GON4L: variants seen among roughly 807,000 people sequenced by gnomAD.
The protein encoded by GON4L is GON-4-like protein.
Under a neutral mutation model 211.8 loss-of-function variants are expected in GON4L, and 87 were observed. That is an observed-to-expected ratio of 0.41 (90% CI 0.35 to 0.49). The LOEUF is 0.49. Among genes scored for constraint, GON4L ranks in the 20% least tolerant of loss-of-function variants. The probability of loss-of-function intolerance (pLI) is 0.15; values close to 1 mark genes in which losing one functional copy is unlikely to be tolerated. For synonymous variants in GON4L, 875 were observed against 962.6 expected (o/e 0.91, Z 1.68); for missense variants, 2,155 against 2,659.5 (o/e 0.81, Z 4.17).
chr1:155,797,454 C>T (rs1557872551), intron 11 of GON4L, among the ~76,000 whole-genome samples: 1 of 150,448 alleles, frequency 6.6e-6, no homozygotes. Context: ...AATAAATGAG[C>T]ATCTTTTTTT....
At chr1:155,802,289 T>C (rs1359920281) in intron 11 of GON4L, among the ~76,000 whole-genome samples, 1 of 138,120 alleles carries the variant, frequency 7.2e-6, no homozygotes, top group Non-Finnish European at 1.6e-5. Flanking sequence ...AAATTTCATG[T>C]ATGTAGATAT....
rs976411906 is a variant in GON4L, at chr1:155,795,251, G to A, written c.1646-100C>T. 1.3e-5 allele frequency: 10 copies of A among 767,246 alleles called. No individual in the cohort carries two copies. The African/African-American group carries it at 1.4e-4, about 10-fold the overall frequency. 47.5% of individuals were successfully genotyped at this position (767,246 alleles called of 1,614,324 possible). On this transcript the variant is annotated intron_variant, in intron 11 of 31. Transcript: ENST00000368331. ...ATTTATTCTTTATTTTTTTGAGACAGGGTCTCACTCTGTCGCCCAGGCTGG... is the reference window on the plus strand; with the variant it reads ...ATTTATTCTTTATTTTTTTGAGACAAGGTCTCACTCTGTCGCCCAGGCTGG...
chr1:155,788,909 T>C (rs1665225884), intron 12 of GON4L, among the ~76,000 whole-genome samples: 1 of 151,786 alleles, frequency 6.6e-6, no homozygotes, highest in Admixed American at 6.6e-5. Context: ...GCTAACACGG[T>C]GAAACCCCGT....
intron 2 of GON4L, chr1:155,831,387 T>G (rs1353418960): frequency 1.3e-5 from 2 of 152,106 alleles, no homozygotes; most frequent in Non-Finnish European, 2.9e-5. Flanking sequence ...GAGTTAGAGG[T>G]TGTAGTGAGC....
intron 2 of GON4L, among the ~76,000 whole-genome samples, chr1:155,832,297 A>C (rs866819123): frequency 4.6e-4 from 70 of 150,950 alleles, no homozygotes; most frequent in African/African-American, 1.7e-3. Flanking sequence ...AAAAAAAAAA[A>C]AAAAAGAAAG....
chr1:155,798,317 A>T (rs1183585170), intron 11 of GON4L, among the ~76,000 whole-genome samples: 1 of 150,540 alleles, frequency 6.6e-6, no homozygotes, highest in Non-Finnish European at 1.5e-5. Flanking sequence ...ACTTATCAGT[A>T]CAGATTCTTT....
intron 11 of GON4L, 133 bp from the exon 12 acceptor site, chr1:155,795,284 T>C (rs1665957861): frequency 1.5e-6 from 1 of 669,504 alleles, no homozygotes; most frequent in African/African-American, 1.8e-5. Flanking sequence ...TGGAGTGCAG[T>C]GGTACAGCCT....
chr1:155,810,174 T>G (rs1322298531), intron 10 of GON4L, among the ~76,000 whole-genome samples: 1 of 150,550 alleles, frequency 6.6e-6, no homozygotes, highest in Non-Finnish European at 1.5e-5. Context: ...TTTTGTATTT[T>G]TAGTGGAGAC....
downstream of GON4L, chr1:155,748,675 A>G (rs1436122287): frequency 1.2e-6 from 2 of 1,613,206 alleles, no homozygotes; most frequent in Non-Finnish European, 1.7e-6. Flanking sequence ...TCCCTGATGC[A>G]GTTTGGAGGA....
intron 10 of GON4L, among the ~76,000 whole-genome samples, chr1:155,812,619 A>G (rs1054256806): frequency 6.6e-6 from 1 of 151,046 alleles, no homozygotes; most frequent in Non-Finnish European, 1.5e-5. Flanking sequence ...GCAGTGGCGC[A>G]ATCTCAGCTC....
At chr1:155,829,753 CTCTT>C (rs745523996) in intron 2 of GON4L, among the ~76,000 whole-genome samples, 2 of 152,144 alleles carry the variant, frequency 1.3e-5, no homozygotes, top group Non-Finnish European at 1.5e-5. Flanking sequence ...TGCTCAGCTT[CTCTT>C]TCTGAGGTCT....
intron 28 of GON4L, among the ~76,000 whole-genome samples, chr1:155,753,726 G>C (rs1281233056): frequency 2.0e-5 from 3 of 152,106 alleles, no homozygotes; most frequent in African/African-American, 2.4e-5. Context: ...AGATGACACA[G>C]ATTATCTTGC....
At chr1:155,768,445 C>A (rs1662801381) in intron 19 of GON4L, among the ~76,000 whole-genome samples, 1 of 150,972 alleles carries the variant, frequency 6.6e-6, no homozygotes, top group Non-Finnish European at 1.5e-5. Context: ...CCCGTCTCTA[C>A]TAAAAAATAC....
chr1:155,759,586 A>AT (rs1661555727), intron 24 of GON4L, among the ~76,000 whole-genome samples: 2 of 151,660 alleles, frequency 1.3e-5, no homozygotes, highest in Admixed American at 6.6e-5. Context: ...AAAAAAAAAA[A>AT]ATTTTTTTTT....
In GON4L at chr1:155,837,593, A is replaced by T. The variant is rs73001099; in HGVS notation, c.506-10565T>A. ...TGGTAAGGTGACCCTTCATCCATCA[A>T]TGAGTGTTCTGGCTTGCTGTATCTC... On this transcript the variant is annotated intron_variant, in intron 2 of 31. Coordinates refer to ENST00000368331, the MANE Select transcript of GON4L (RefSeq NM_001282860.2). Among the ~76,000 whole-genome samples the T allele has an allele frequency of 5.6e-3, 850 of 151,894 alleles. 7 individuals are homozygous for T. Among genetic ancestry groups the T allele is most frequent in the African/African-American group, 0.019 (803 of 41,430 alleles).
chr1:155,765,706 G>C lies in GON4L; in HGVS notation c.3767C>G (p.Pro1256Arg), dbSNP rs942047217. 3 of 1,614,218 alleles carry C rather than the reference G, an allele frequency of 1.9e-6. No individual in the cohort carries two copies. Among genetic ancestry groups the C allele is most frequent in the Non-Finnish European group, 2.5e-6 (3 of 1,180,040 alleles). ...EPKLEPQELSPLSATVFPKVE... is the reference protein window; with the variant it reads ...EPKLEPQELSRLSATVFPKVE... ...TTTCGGGAAAACAGTAGCAGAGAGAGGAGATAGTTCCTGGGGCTCTAATTT... is the reference window on the plus strand; with the variant it reads ...TTTCGGGAAAACAGTAGCAGAGAGACGAGATAGTTCCTGGGGCTCTAATTT... The change falls in exon 21 of 32, where the codon CCT becomes CGT. Residue 1256 changes from proline to arginine, a missense_variant. Pro to Arg is a moderately radical substitution (Grantham distance 103, BLOSUM62 -2). Around this residue, in one of 6 missense-constraint regions of GON4L, gnomAD observed 615 missense variants for 625.7 expected, o/e 0.98. Coordinates refer to ENST00000368331, the MANE Select transcript of GON4L (RefSeq NM_001282860.2).
chr1:155,805,988 GTT>G (rs58821661), intron 10 of GON4L, among the ~76,000 whole-genome samples: 219 of 133,300 alleles, frequency 1.6e-3, no homozygotes, highest in Admixed American at 2.1e-3. Flanking sequence ...CATGCCTGGT[GTT>G]TTTTTTTTTT....
At chr1:155,782,730 G>A (rs1664544583) in intron 14 of GON4L, among the ~76,000 whole-genome samples, 1 of 151,848 alleles carries the variant, frequency 6.6e-6, no homozygotes, top group African/African-American at 2.4e-5. Flanking sequence ...TGTCATCTCA[G>A]CTCACTGCAA....
intron 1 of GON4L, among the ~76,000 whole-genome samples, chr1:155,856,283 A>T (rs1247174978): frequency 6.6e-6 from 1 of 152,038 alleles, no homozygotes; most frequent in African/African-American, 2.4e-5. Flanking sequence ...ACCGGAGTGC[A>T]GTGGCAAGAT....
Sources: allele counts gnomAD v4.1 joint callset (sites outside exome capture counted in the v4.1 genomes callset), GRCh38; gene constraint gnomAD v4.1.1; regional missense constraint gnomAD v4.1.1; transcripts MANE v1.5; gene names NCBI Gene and HGNC (gene_info 2026-07-23, HGNC 2026-07-21).